The following RYR2 variants were observed in gnomAD, a reference collection of about 807,000 sequenced individuals.
The protein encoded by RYR2 is ryanodine receptor 2.
RYR2 carries 227 observed loss-of-function variants against 601.1 expected under a neutral mutation model. The observed-to-expected ratio is 0.38, with a 90% confidence interval of 0.34 to 0.42. The LOEUF (loss-of-function observed/expected upper bound fraction) is 0.42. Among genes scored for constraint, RYR2 ranks in the 10% least tolerant of loss-of-function variants. The probability of loss-of-function intolerance (pLI) is 1.00; values close to 1 mark genes in which losing one functional copy is unlikely to be tolerated. For synonymous variants in RYR2, 2,223 were observed against 2,175.1 expected, an observed-to-expected ratio of 1.02 and a Z score of -0.61; for missense variants, 4,646 against 6,156.5, an observed-to-expected ratio of 0.75 and a Z score of 8.21.
chr1:237,787,590 T>A (rs1034115363), intron 91 of RYR2, among the ~76,000 whole-genome samples: 68 of 87,250 alleles, frequency 7.8e-4, no homozygotes, highest in African/African-American at 3.3e-3. Context: ...AGACTCTGTC[T>A]CAAAAACAAA....
intron 62 of RYR2, 144 bp from the exon 63 acceptor site, chr1:237,687,311 C>A: frequency 1.6e-6 from 1 of 625,102 alleles, no homozygotes; most frequent in Admixed American, 3.1e-5. Flanking sequence ...TGCGTGACAT[C>A]ATGTTGCTTT....
At chr1:237,422,930 AT>A (rs1463908771) in intron 11 of RYR2, among the ~76,000 whole-genome samples, 161 bp from the exon 12 acceptor site, 1 of 152,208 alleles carries the variant, frequency 6.6e-6, no homozygotes, top group Admixed American at 6.5e-5. Flanking sequence ...CTGAATAGCC[AT>A]TTTGTTATTT....
chr1:237,607,658 A>G (rs1677295081), intron 35 of RYR2, among the ~76,000 whole-genome samples: 1 of 152,228 alleles, frequency 6.6e-6, no homozygotes, highest in African/African-American at 2.4e-5. Flanking sequence ...GAGACTGAGA[A>G]TGAATGATTG....
intron 1 of RYR2, 137 bp from the exon 2 acceptor site, chr1:237,270,360 T>A (rs1184563628): frequency 7.9e-6 from 10 of 1,262,046 alleles, no homozygotes; most frequent in Non-Finnish European, 1.1e-5. Context: ...TTCTTTTGGT[T>A]GTTTTTTTGA....
At chr1:237,307,814 C>A (rs1232364881) in intron 2 of RYR2, among the ~76,000 whole-genome samples, 1 of 152,168 alleles carries the variant, frequency 6.6e-6, no homozygotes, top group African/African-American at 2.4e-5. Flanking sequence ...CAAGTATGAG[C>A]CTTCGGTTTG....
At chr1:237,422,801 T>C (rs958169793) in intron 11 of RYR2, among the ~76,000 whole-genome samples, 5 of 152,186 alleles carry the variant, frequency 3.3e-5, no homozygotes, top group Non-Finnish European at 7.3e-5. Context: ...AAGTTCTTTG[T>C]TATCTTTGCA....
chr1:237,200,351 G>A (rs879584969), intron 1 of RYR2, among the ~76,000 whole-genome samples: 10 of 151,574 alleles, frequency 6.6e-5, no homozygotes, highest in Non-Finnish European at 1.5e-4. Context: ...TGCAGCCTCC[G>A]CCTCCCAGGT....
At chr1:237,404,061 C>T (rs1558761446) in intron 10 of RYR2, among the ~76,000 whole-genome samples, 1 of 152,132 alleles carries the variant, frequency 6.6e-6, no homozygotes, top group Non-Finnish European at 1.5e-5. Context: ...CAAGACCAGC[C>T]TGGGAAACAT....
At chr1:237,155,837 G>A (rs1675269728) in intron 1 of RYR2, among the ~76,000 whole-genome samples, 1 of 152,140 alleles carries the variant, frequency 6.6e-6, no homozygotes. Context: ...ATGGCATTGA[G>A]GAAGGCAACA....
intron 74 of RYR2, 72 bp from the exon 75 acceptor site, chr1:237,726,201 G>T: frequency 2.0e-6 from 2 of 997,866 alleles, no homozygotes; most frequent in South Asian, 3.0e-5. Flanking sequence ...AATCATTTTT[G>T]ACTCTTTACT....
chr1:237,298,539 G>C (rs1312869300), intron 2 of RYR2, among the ~76,000 whole-genome samples: 2 of 151,988 alleles, frequency 1.3e-5, no homozygotes, highest in Non-Finnish European at 2.9e-5. Context: ...TCTTTACTTA[G>C]GGTGTCAAAA....
chr1:237,227,185 C>T (rs755068578), intron 1 of RYR2, among the ~76,000 whole-genome samples: 16 of 152,152 alleles, frequency 1.1e-4, no homozygotes, highest in African/African-American at 3.4e-4. Flanking sequence ...AGCATGGTGA[C>T]TCTAGTTAAT....
chr1:237,478,615 A>G (rs1005175088), intron 17 of RYR2, among the ~76,000 whole-genome samples: 4 of 152,176 alleles, frequency 2.6e-5, no homozygotes, highest in African/African-American at 7.2e-5. Flanking sequence ...AAGTTTTACT[A>G]TGTTTTGGAT....
intron 93 of RYR2, chr1:237,791,837 TGAGAA>T: frequency 1.7e-6 from 1 of 571,948 alleles, no homozygotes; most frequent in South Asian, 2.3e-5. Flanking sequence ...CTTTTGTAAT[TGAGAA>T]GAGAGCTTAG....
chr1:237,278,308 C>T (rs1308700874), intron 2 of RYR2, among the ~76,000 whole-genome samples: 1 of 115,172 alleles, frequency 8.7e-6, no homozygotes, highest in African/African-American at 3.4e-5. Flanking sequence ...CCAGGCTGGT[C>T]TCAAAGTCCT....
chr1:237,776,435 C>A (rs1694662569), intron 87 of RYR2, among the ~76,000 whole-genome samples: 1 of 152,174 alleles, frequency 6.6e-6, no homozygotes, highest in African/African-American at 2.4e-5. Context: ...ATCTTGTGCA[C>A]TGGCCACTTT....
intron 17 of RYR2, among the ~76,000 whole-genome samples, chr1:237,472,357 GTTAA>G (rs574288830): frequency 1.8e-4 from 28 of 152,172 alleles, no homozygotes; most frequent in Non-Finnish European, 3.7e-4. Context: ...CAAAAGTAGG[GTTAA>G]TTGTCTTCCT....
intron 1 of RYR2, among the ~76,000 whole-genome samples, chr1:237,242,505 CT>C (rs1396462353): frequency 2.0e-5 from 3 of 151,794 alleles, no homozygotes; most frequent in African/African-American, 7.3e-5. Context: ...AATTTTAAGT[CT>C]TGTGAAGTAG....
intron 60 of RYR2, 65 bp downstream of exon 60, chr1:237,674,911 G>A (rs943987169): frequency 3.5e-6 from 3 of 860,374 alleles, no homozygotes; most frequent in African/African-American, 1.7e-5. Flanking sequence ...ACAACATCAG[G>A]ATATAGAACA....
Sources: allele counts gnomAD v4.1 joint callset (sites outside exome capture counted in the v4.1 genomes callset), GRCh38; gene constraint gnomAD v4.1.1; transcripts MANE v1.5; gene names NCBI Gene and HGNC (gene_info 2026-07-23, HGNC 2026-07-21).